AFF2: variants seen among roughly 807,000 people sequenced by gnomAD.
AFF2 encodes the protein AF4/FMR2 family member 2.
A neutral mutation model predicts 76.9 loss-of-function variants in AFF2; 14 were observed. That is an observed-to-expected ratio of 0.18 (90% CI 0.12 to 0.28). AFF2 has a LOEUF of 0.28. Ranked by LOEUF, AFF2 falls within the 10% of genes least tolerant of loss-of-function variation. AFF2 has a pLI of 1.00. For synonymous variants in AFF2, 398 were observed against 366.7 expected (o/e 1.09, Z -0.98); for missense variants, 868 against 1,001.1 (o/e 0.87, Z 1.79).
intron 3 of AFF2, among the ~76,000 whole-genome samples, chrX:148,754,211 C>A (rs1298666845): frequency 1.8e-5 from 2 of 111,530 alleles, no homozygotes; most frequent in African/African-American, 6.5e-5. Context: ...ATGCCACATA[C>A]AATATGCAAT....
At chrX:148,507,061 T>TAA (rs1291611517) in intron 1 of AFF2, among the ~76,000 whole-genome samples, 1 of 112,387 alleles carries the variant, frequency 8.9e-6, no homozygotes, top group Admixed American at 9.4e-5. Context: ...AGGTACTCAA[T>TAA]AAACATCTGT....
rs1167407264 is a variant in AFF2 at position 148,500,631 on chromosome X, A to AGCCGCCGCCGCCGCCGCCGCC, written c.-462_-461insCGCCGCCGCCGCCGCCGCCGC. On this transcript the variant is annotated 5_prime_UTR_variant, in exon 1 of 21. Transcript: ENST00000370460. The stretch of plus-strand genomic sequence containing the variant: ...CCGCGGCCGCCGCCGCCGCCTGTGC[A>AGCCGCCGCCGCCGCCGCCGCC]GCCGCTGCCGCCGCCGCCGCCGCCG... The AGCCGCCGCCGCCGCCGCCGCC allele has an allele frequency of 1.9e-4, 12 of 62,510 alleles. No homozygotes were observed. The highest frequency in any genetic ancestry group is 5.4e-4 in the South Asian group (1 of 1,851). 5.2% of individuals were successfully genotyped at this position (62,510 alleles called of 1,213,427 possible).
At chrX:148,518,117 A>G (rs1174275227) in intron 1 of AFF2, among the ~76,000 whole-genome samples, 2 of 112,112 alleles carry the variant, frequency 1.8e-5, no homozygotes, top group East Asian at 5.5e-4. Context: ...GCTACCAAAT[A>G]CCTTTTATAA....
intron 3 of AFF2, among the ~76,000 whole-genome samples, chrX:148,690,871 C>A (rs2054644075): frequency 1.8e-5 from 2 of 111,611 alleles, no homozygotes; most frequent in African/African-American, 6.5e-5. Context: ...GGGTTGGTAT[C>A]CTCTGAAGGT....
chrX:148,547,732 C>T (rs1418830429), intron 1 of AFF2, among the ~76,000 whole-genome samples: 1 of 111,909 alleles, frequency 8.9e-6, no homozygotes, highest in Non-Finnish European at 1.9e-5. Flanking sequence ...AATTTAGTTG[C>T]CGTGACCTAG....
At chrX:148,760,913 A>G (rs2069431640) in intron 3 of AFF2, among the ~76,000 whole-genome samples, 1 of 112,150 alleles carries the variant, frequency 8.9e-6, no homozygotes, top group African/African-American at 3.2e-5. Context: ...AATATTGAAC[A>G]TAAACACCTC....
chrX:148,535,211 T>C (rs1557236415), intron 1 of AFF2, among the ~76,000 whole-genome samples: 1 of 112,100 alleles, frequency 8.9e-6, no homozygotes, highest in African/African-American at 3.2e-5. Flanking sequence ...TATTATGATG[T>C]GATTATTATG....
intron 3 of AFF2, chrX:148,719,107 A>G: frequency 9.0e-7 from 1 of 1,115,624 alleles, no homozygotes; most frequent in South Asian, 2.2e-5. Context: ...GGTTGTGGCA[A>G]CCCAGAGGAA....
intron 3 of AFF2, among the ~76,000 whole-genome samples, chrX:148,727,916 G>A (rs1219271340): frequency 2.7e-5 from 3 of 111,850 alleles, no homozygotes; most frequent in Non-Finnish European, 5.6e-5. Flanking sequence ...AGAGAGTTCC[G>A]ATAAAAAGAT....
chrX:148,689,837 G>C (rs2054633249), intron 3 of AFF2, among the ~76,000 whole-genome samples: 2 of 111,765 alleles, frequency 1.8e-5, no homozygotes, highest in Non-Finnish European at 3.8e-5. Flanking sequence ...AAAGTATTTG[G>C]CTGGCTTTGT....
intron 10 of AFF2, among the ~76,000 whole-genome samples, chrX:148,955,051 G>C (rs1434700973): frequency 8.9e-6 from 1 of 112,858 alleles, no homozygotes; most frequent in Non-Finnish European, 1.9e-5. Context: ...TTTTTTGGAA[G>C]TAAAATCTTT....
At chrX:148,900,547 C>T (rs1381082901) in intron 8 of AFF2, among the ~76,000 whole-genome samples, 1 of 110,894 alleles carries the variant, frequency 9.0e-6, no homozygotes, top group Non-Finnish European at 1.9e-5. Flanking sequence ...CTCAAGATAC[C>T]CCATGACAGA....
At chrX:148,671,899 C>G (rs2054428089) in intron 3 of AFF2, among the ~76,000 whole-genome samples, 1 of 111,121 alleles carries the variant, frequency 9.0e-6, no homozygotes, top group Admixed American at 9.6e-5. Flanking sequence ...TAGAGAACTC[C>G]TATTTTCACA....
In AFF2 at chrX:148,920,869, G is replaced by GT. The variant is rs782385577; in HGVS notation, c.1397+16613dup. ...GCTGGAATGAGTAAAGTTGAGTTGT[G>GT]TTGGTGATTTCGACGCATCAGTGGG... On this transcript the variant is annotated intron_variant, in intron 9 of 20. Transcript: ENST00000370460. 7.3e-4 allele frequency among the ~76,000 whole-genome samples: 81 copies of GT among 111,001 alleles called. 1 individual carries two copies. Among genetic ancestry groups the GT allele is most frequent in the African/African-American group, 2.6e-3 (80 of 30,502 alleles).
chrX:148,510,325 G>C (rs1482985934), intron 1 of AFF2, among the ~76,000 whole-genome samples: 1 of 111,704 alleles, frequency 9.0e-6, no homozygotes, highest in Non-Finnish European at 1.9e-5. Context: ...TGTGTTATCC[G>C]ATTTCTCTAT....
chrX:148,978,972 C>T (rs975822951), intron 18 of AFF2, among the ~76,000 whole-genome samples: 11 of 111,709 alleles, frequency 9.8e-5, no homozygotes, highest in Admixed American at 6.7e-4. Context: ...AAAGCCATAT[C>T]GTAGGGAGCT....
Position 148,837,669 on chromosome X carries a change from C to A in AFF2, c.1109C>A (p.Thr370Asn). 1 of 1,193,917 alleles carries A rather than the reference C, an allele frequency of 8.4e-7. No individual in the cohort carries two copies. Among genetic ancestry groups the A allele is most frequent in the Non-Finnish European group, 1.1e-6 (1 of 879,567 alleles). ...ILREMTHSWP[T>N]PLTSMHTAGH... ...TAGGAGATGACCCATTCCTGGCCTA[C>A]TCCTCTCACTTCCATGCATACTGCT... Residue 370 changes from threonine to asparagine, a missense_variant, in exon 5 of 21, where the codon ACT (threonine) becomes AAT (asparagine). Physicochemically the swap from Thr to Asn is moderately conservative, Grantham distance 65. Coordinates refer to ENST00000370460, the MANE Select transcript of AFF2 (RefSeq NM_002025.4).
At chrX:148,827,853 T>A (rs1428594584) in intron 4 of AFF2, among the ~76,000 whole-genome samples, 1 of 111,980 alleles carries the variant, frequency 8.9e-6, no homozygotes, top group Non-Finnish European at 1.9e-5. Flanking sequence ...TGAATGAAAT[T>A]AAATATAGAT....
chrX:148,518,675 C>T (rs1381460682), intron 1 of AFF2, among the ~76,000 whole-genome samples: 2 of 111,808 alleles, frequency 1.8e-5, no homozygotes, highest in Non-Finnish European at 3.8e-5. Context: ...GGAATTCCAG[C>T]ATTAGATAAA....
Sources: gnomAD v4.1 joint callset for allele counts (sites outside exome capture counted in the v4.1 genomes callset) on GRCh38, gnomAD v4.1.1 for gene constraint, MANE v1.5 for transcripts, NCBI Gene and HGNC (gene_info 2026-07-23, HGNC 2026-07-21) for gene names.